Variants in PCDHA9 observed in about 807,000 individuals in gnomAD.
PCDHA9 encodes protocadherin alpha-9.
PCDHA9 carries 62 observed loss-of-function variants against 62.0 expected under a neutral mutation model. The observed-to-expected ratio is 1.00, with a 90% CI of 0.81 to 1.23. The LOEUF (loss-of-function observed/expected upper bound fraction) is 1.23. Ranked by LOEUF, PCDHA9 falls within the 50% of genes most tolerant of loss-of-function variation. PCDHA9 has a pLI of 0.00. For synonymous variants in PCDHA9, 557 were observed against 567.6 expected (o/e 0.98, Z 0.27); for missense variants, 1,205 against 1,249.8 (o/e 0.96, Z 0.54).
chr5:140,871,489 G>A (rs782277615), intron 1 of PCDHA9: 6 of 1,590,138 alleles, frequency 3.8e-6, no homozygotes, highest in Non-Finnish European at 5.1e-6. Flanking sequence ...AAATCACCCC[G>A]GACAGGTGAG....
intron 1 of PCDHA9, chr5:140,967,549 T>C (rs781838911): frequency 6.2e-7 from 1 of 1,614,012 alleles, no homozygotes; most frequent in Non-Finnish European, 8.5e-7. Flanking sequence ...ACCAGTCCAC[T>C]TATCGCGTCC....
intron 1 of PCDHA9, among the ~76,000 whole-genome samples, chr5:140,932,235 G>A (rs372410374): frequency 4.0e-5 from 6 of 151,638 alleles, no homozygotes; most frequent in African/African-American, 1.5e-4. Context: ...TTTTAGAATG[G>A]TATCTAAGAG....
chr5:140,967,017 C>T, intron 1 of PCDHA9: 1 of 1,606,892 alleles, frequency 6.2e-7, no homozygotes, highest in Non-Finnish European at 8.5e-7. Context: ...CATCTGGGTG[C>T]GCCCAGTCCG....
chr5:140,921,932 TAATTTTACACTTGTAA>T (rs781950121), intron 1 of PCDHA9, among the ~76,000 whole-genome samples: 10 of 152,080 alleles, frequency 6.6e-5, no homozygotes, highest in Non-Finnish European at 1.5e-4. Flanking sequence ...ATAGTCAATA[TAATTTTACACTTGTAA>T]AATCCCAGAA....
At chr5:140,978,486 G>T (rs1289847782) in intron 1 of PCDHA9, among the ~76,000 whole-genome samples, 1 of 152,248 alleles carries the variant, frequency 6.6e-6, no homozygotes, top group Admixed American at 6.5e-5. Flanking sequence ...AGTCTGCAAA[G>T]CCAGCAGCAG....
intron 1 of PCDHA9, among the ~76,000 whole-genome samples, chr5:140,903,704 A>G (rs2070513598): frequency 6.6e-6 from 1 of 152,234 alleles, no homozygotes; most frequent in Admixed American, 6.5e-5. Context: ...AAATAGTAAT[A>G]AAATATACAA....
intron 1 of PCDHA9, among the ~76,000 whole-genome samples, chr5:140,952,297 C>G (rs2094716383): frequency 6.7e-6 from 1 of 149,532 alleles, no homozygotes; most frequent in South Asian, 2.1e-4. Context: ...TTCTCACAGC[C>G]ATTTCACTCC....
intron 1 of PCDHA9, among the ~76,000 whole-genome samples, chr5:140,965,232 G>C (rs192008157): frequency 6.6e-5 from 10 of 152,194 alleles, no homozygotes; most frequent in Non-Finnish European, 1.0e-4. Context: ...GTGAGAACCT[G>C]GGAAGAGTGA....
chr5:140,988,247 TC>T (rs2097289620), intron 3 of PCDHA9, among the ~76,000 whole-genome samples: 1 of 152,148 alleles, frequency 6.6e-6, no homozygotes, highest in Admixed American at 6.5e-5. Context: ...GTGGGGCAGC[TC>T]CCGCCTGTGA....
chr5:140,889,032 AT>A (rs1357652460), intron 1 of PCDHA9, among the ~76,000 whole-genome samples: 12 of 152,198 alleles, frequency 7.9e-5, no homozygotes, highest in South Asian at 6.2e-4. Context: ...GATAACCGTA[AT>A]TTGATTATAA....
chr5:140,904,955 G>A (rs1272284537), intron 1 of PCDHA9, among the ~76,000 whole-genome samples: 1 of 152,120 alleles, frequency 6.6e-6, no homozygotes, highest in Non-Finnish European at 1.5e-5. Context: ...TTTGTCTGAT[G>A]CAGAATTTGT....
chr5:140,979,870 A>G (rs376036380), intron 2 of PCDHA9, among the ~76,000 whole-genome samples: 2 of 152,388 alleles, frequency 1.3e-5, no homozygotes, highest in South Asian at 2.1e-4. Context: ...TATCTGGGCA[A>G]CTATCAAGTG....
At chr5:140,944,046 G>A (rs782798105) in intron 1 of PCDHA9, among the ~76,000 whole-genome samples, 3 of 152,158 alleles carry the variant, frequency 2.0e-5, no homozygotes, top group Non-Finnish European at 4.4e-5. Context: ...AACCAGATTG[G>A]GATACAAAAA....
At position 140,857,846 on chromosome 5, in the gene PCDHA9, T is replaced by C. The variant is rs782107328; in HGVS notation, c.2394+6957T>C. 6.3e-6 allele frequency: 10 copies of C among 1,597,716 alleles called. 1 individual carries two copies. Among genetic ancestry groups the C allele is most frequent in the Non-Finnish European group, 8.6e-6 (10 of 1,167,514 alleles). ...TAAGGTGCGCGCAGTGGACGCTGAC[T>C]CTGGATACAACGCGTGGCTGTCGTA... is the stretch of plus-strand genomic sequence containing the variant. On this transcript the variant is annotated intron_variant, in intron 1 of 3. Coordinates refer to ENST00000532602, the MANE Select transcript of PCDHA9 (RefSeq NM_031857.2).
At chr5:140,926,183 C>A (rs1287609954) in intron 1 of PCDHA9, among the ~76,000 whole-genome samples, 2 of 151,712 alleles carry the variant, frequency 1.3e-5, no homozygotes, top group African/African-American at 4.8e-5. Context: ...GGAAAGCCCC[C>A]CGCAGCACTT....
chr5:140,923,461 A>G (rs530510417), intron 1 of PCDHA9, among the ~76,000 whole-genome samples: 97 of 152,204 alleles, frequency 6.4e-4, no homozygotes, highest in African/African-American at 2.2e-3. Context: ...CCAGAGAGGT[A>G]GGGGCTGCAG....
intron 1 of PCDHA9, among the ~76,000 whole-genome samples, chr5:140,916,666 A>G (rs782065585): frequency 2.0e-5 from 3 of 152,176 alleles, no homozygotes; most frequent in Non-Finnish European, 2.9e-5. Flanking sequence ...AAGATGCAAG[A>G]CAAAGTCCTC....
At chr5:140,930,842 T>C (rs183476886) in intron 1 of PCDHA9, among the ~76,000 whole-genome samples, 1 of 152,338 alleles carries the variant, frequency 6.6e-6, no homozygotes, top group Admixed American at 6.5e-5. Flanking sequence ...TGAATAAATA[T>C]GTGCATATAT....
intron 1 of PCDHA9, among the ~76,000 whole-genome samples, chr5:140,947,506 A>C (rs1034178009): frequency 6.6e-6 from 1 of 151,700 alleles, no homozygotes; most frequent in Non-Finnish European, 1.5e-5. Flanking sequence ...TTAAATTTTC[A>C]TATAAATTTT....
Sources: allele counts gnomAD v4.1 joint callset (sites outside exome capture counted in the v4.1 genomes callset), GRCh38; gene constraint gnomAD v4.1.1; transcripts MANE v1.5; gene names NCBI Gene and HGNC (gene_info 2026-07-23, HGNC 2026-07-21).